The following IL7 variants were observed in gnomAD, a reference collection of about 807,000 sequenced individuals.
The protein encoded by IL7 is interleukin-7.
A neutral mutation model predicts 21.6 loss-of-function variants in IL7; 3 were observed. The observed-to-expected ratio is 0.14, with a 90% CI of 0.06 to 0.36. The LOEUF (loss-of-function observed/expected upper bound fraction) is 0.36, where lower values mean the gene tolerates loss of function less well. IL7 is among the 10% of genes least tolerant of loss of function. The pLI is 1.00. For missense variants in IL7, 175 were observed against 200.2 expected (o/e 0.87, Z 0.76); for synonymous variants, 62 against 68.1 (o/e 0.91, Z 0.44).
At chr8:78,687,859 T>TATATATAATAAATATATATTTATATA (rs1344273924) in intron 3 of IL7, among the ~76,000 whole-genome samples, 52 of 85,454 alleles carry the variant, frequency 6.1e-4, no homozygotes, top group South Asian at 1.4e-3. Flanking sequence ...TTATATAATA[T>TATATATAATAAATATATATTTATATA]ATATCTATAT....
intron 2 of IL7, among the ~76,000 whole-genome samples, chr8:78,792,772 A>G (rs1482982574): frequency 6.6e-6 from 1 of 152,138 alleles, no homozygotes; most frequent in East Asian, 1.9e-4. Flanking sequence ...AAAAAGTTAG[A>G]TGATAACAAG....
intron 3 of IL7, among the ~76,000 whole-genome samples, chr8:78,692,102 A>G (rs1302190689): frequency 2.6e-5 from 4 of 152,160 alleles, no homozygotes; most frequent in Non-Finnish European, 4.4e-5. Flanking sequence ...CATTTACTGT[A>G]TTCACCATGC....
intron 4 of IL7, among the ~76,000 whole-genome samples, chr8:78,685,150 C>A (rs1483403708): frequency 6.6e-6 from 1 of 151,894 alleles, no homozygotes; most frequent in African/African-American, 2.4e-5. Context: ...CAGAAATAGG[C>A]CCAAATTCAG....
chr8:78,695,095 C>T (rs62518981), intron 3 of IL7, among the ~76,000 whole-genome samples: 2 of 151,828 alleles, frequency 1.3e-5, no homozygotes, highest in Non-Finnish European at 2.9e-5. Context: ...AGCAAGATAC[C>T]GAGGGGGAGG....
At chr8:78,764,071 C>T (rs1812669726) in intron 2 of IL7, among the ~76,000 whole-genome samples, 1 of 152,224 alleles carries the variant, frequency 6.6e-6, no homozygotes, top group South Asian at 2.1e-4. Flanking sequence ...TAATCCATCA[C>T]ATCAATAGGC....
At chr8:78,798,258 T>G in intron 1 of IL7, 50 bp from the exon 2 acceptor site, 1 of 1,389,168 alleles carries the variant, frequency 7.2e-7, no homozygotes, top group South Asian at 1.3e-5. Context: ...TCGTATTGCA[T>G]TTGATTGTGG....
At chr8:78,791,504 G>A (rs1001019145) in intron 2 of IL7, among the ~76,000 whole-genome samples, 1 of 152,106 alleles carries the variant, frequency 6.6e-6, no homozygotes, top group African/African-American at 2.4e-5. Flanking sequence ...GCTGGGTGTG[G>A]TGGCACATGC....
In IL7 at chr8:78,761,242, T is replaced by A. The variant is rs55897038; in HGVS notation, c.148-21160A>T. ...CGTTGTCAAGTTCTAAAAGCAGTTGTGGTGATCGATGGAAAAAAGAACAAA... is the reference window on the plus strand; with the variant it reads ...CGTTGTCAAGTTCTAAAAGCAGTTGAGGTGATCGATGGAAAAAAGAACAAA... On this transcript the variant is annotated intron_variant, in intron 2 of 5. Transcript: ENST00000263851. 2.5e-6 allele frequency: 4 copies of A among 1,603,214 alleles called. No homozygotes were observed. The East Asian group carries it at 8.9e-5, about 36-fold the overall frequency.
intron 3 of IL7, chr8:78,721,493 C>A (rs186538330): frequency 2.0e-5 from 3 of 152,150 alleles, no homozygotes; most frequent in Admixed American, 1.3e-4. Flanking sequence ...GCTATTCAAT[C>A]TTATCTCACT....
downstream of IL7, chr8:78,675,721 A>G (rs1809556934): frequency 1.4e-6 from 2 of 1,404,784 alleles, no homozygotes; most frequent in Admixed American, 4.0e-5. Flanking sequence ...AAGAGAAAAC[A>G]TTAAAATGTG....
At chr8:78,693,668 C>T (rs1810297226) in intron 3 of IL7, among the ~76,000 whole-genome samples, 1 of 151,998 alleles carries the variant, frequency 6.6e-6, no homozygotes, top group Non-Finnish European at 1.5e-5. Flanking sequence ...AAAATTTTCT[C>T]CCATTCTGTA....
intron 3 of IL7, among the ~76,000 whole-genome samples, chr8:78,687,962 T>A (rs1276736078): frequency 1.4e-5 from 2 of 144,452 alleles, no homozygotes; most frequent in East Asian, 3.9e-4. Context: ...ATATCTATAT[T>A]TATATATAAA....
At position 78,764,799 on chromosome 8, in the gene IL7, G is replaced by C. The variant is rs778615650; in HGVS notation, c.148-24717C>G. On this transcript the variant is annotated intron_variant, in intron 2 of 5. Coordinates refer to ENST00000263851, the MANE Select transcript of IL7 (RefSeq NM_000880.4). ...CAATGCAATTCCAATCAGAATCCCA[G>C]GAAGTTATTTTGTAGAAATTGACAA... Among the ~76,000 whole-genome samples, 60 of 152,002 alleles carry C rather than the reference G, an allele frequency of 3.9e-4. 1 individual carries two copies. Among genetic ancestry groups the C allele is most frequent in the Non-Finnish European group, 1.0e-4 (7 of 67,946 alleles).
At chr8:78,685,252 GC>G (rs5892661) in intron 4 of IL7, among the ~76,000 whole-genome samples, 104,135 of 151,890 alleles carry the variant, frequency 0.69, 36,536 homozygotes, top group East Asian at 0.91. Flanking sequence ...CAACTGCATA[GC>G]CATGTTAAAA....
Position 78,789,225 on chromosome 8 carries a change from T to C in IL7, c.147+8847A>G, listed in dbSNP as rs1813608556. 1.3e-5 allele frequency among the ~76,000 whole-genome samples: 2 copies of C among 152,142 alleles called. 1 individual carries two copies. The highest frequency in any genetic ancestry group is 4.1e-4 in the South Asian group (2 of 4,834). On this transcript the variant is annotated intron_variant, in intron 2 of 5. Coordinates refer to ENST00000263851, the MANE Select transcript of IL7 (RefSeq NM_000880.4). Reference sequence around the variant, plus strand: ...TTTAATTTTTATAACTAGAAAAAAGTTATTCATAAAACAAAAAGCCTTGCC... The same window carrying C: ...TTTAATTTTTATAACTAGAAAAAAGCTATTCATAAAACAAAAAGCCTTGCC...
intron 4 of IL7, among the ~76,000 whole-genome samples, chr8:78,676,466 GCTAA>G: frequency 6.6e-6 from 1 of 151,932 alleles, no homozygotes; most frequent in Non-Finnish European, 1.5e-5. Flanking sequence ...AATAAAGTTA[GCTAA>G]CTAAATAGGG....
intron 3 of IL7, among the ~76,000 whole-genome samples, chr8:78,724,542 C>T (rs1230443963): frequency 6.6e-6 from 1 of 151,628 alleles, no homozygotes; most frequent in Non-Finnish European, 1.5e-5. Flanking sequence ...AGGGAAAACT[C>T]ATAAACTCTT....
At chr8:78,707,439 T>C (rs1810808845) in intron 3 of IL7, among the ~76,000 whole-genome samples, 1 of 152,210 alleles carries the variant, frequency 6.6e-6, no homozygotes, top group African/African-American at 2.4e-5. Flanking sequence ...TGCTGTGACA[T>C]ATTGTCTGAC....
chr8:78,741,466 T>C (rs986840597), intron 2 of IL7, among the ~76,000 whole-genome samples: 1 of 152,082 alleles, frequency 6.6e-6, no homozygotes, highest in Non-Finnish European at 1.5e-5. Flanking sequence ...AAAAAGAAGG[T>C]GAAACGTGTA....
Sources: allele counts gnomAD v4.1 joint callset (sites outside exome capture counted in the v4.1 genomes callset), GRCh38; gene constraint gnomAD v4.1.1; transcripts MANE v1.5; gene names NCBI Gene and HGNC (gene_info 2026-07-23, HGNC 2026-07-21).